TMEM150C: variants seen among roughly 807,000 people sequenced by gnomAD.
TMEM150C encodes transmembrane protein 150C, also known as tentonin 3.
A neutral mutation model predicts 29.9 loss-of-function variants in TMEM150C; 10 were observed. The ratio of observed to expected loss-of-function variants is 0.33; its 90% confidence interval spans 0.21 to 0.57. TMEM150C has a LOEUF of 0.57. Ranked by LOEUF, TMEM150C falls within the 20% of genes least tolerant of loss-of-function variation. TMEM150C has a pLI of 0.88. For missense variants in TMEM150C, 251 were observed against 303.6 expected, an observed-to-expected ratio of 0.83 and a Z score of 1.29; for synonymous variants, 101 against 112.5, an observed-to-expected ratio of 0.90 and a Z score of 0.64.
At chr4:82,490,971 C>T (rs931259888) in intron 6 of TMEM150C, 25 of 733,630 alleles carry the variant, frequency 3.4e-5, no homozygotes, top group East Asian at 7.5e-5. Context: ...AGCTTCCACC[C>T]GCTTAGCCAA....
chr4:82,504,275 C>G (rs1271025033), intron 2 of TMEM150C, among the ~76,000 whole-genome samples: 1 of 152,208 alleles, frequency 6.6e-6, no homozygotes, highest in Non-Finnish European at 1.5e-5. Flanking sequence ...GCAATCTCAG[C>G]TCAATGCAAC....
intron 1 of TMEM150C, chr4:82,509,813 CAAATAAAT>C (rs1212752595): frequency 6.6e-6 from 1 of 151,556 alleles, no homozygotes; most frequent in Non-Finnish European, 1.5e-5. Context: ...AACAAACAAA[CAAATAAAT>C]AAATAAATAA....
chr4:82,517,731 C>T (rs1724337778), intron 1 of TMEM150C, among the ~76,000 whole-genome samples: 1 of 152,180 alleles, frequency 6.6e-6, no homozygotes, highest in Non-Finnish European at 1.5e-5. Flanking sequence ...GTAACACCAG[C>T]TTTACAGGGT....
intron 1 of TMEM150C, among the ~76,000 whole-genome samples, chr4:82,557,832 A>G (rs1319544230): frequency 6.8e-6 from 1 of 147,894 alleles, no homozygotes; most frequent in Non-Finnish European, 1.5e-5. Context: ...CTCTCCCGGG[A>G]CCAAGCGATT....
intron 1 of TMEM150C, among the ~76,000 whole-genome samples, chr4:82,525,306 GA>G (rs1724617138): frequency 6.6e-6 from 1 of 152,208 alleles, no homozygotes. Context: ...ATAAAAGACA[GA>G]TATGTAAATG....
chr4:82,497,314 T>C (rs1201244003), intron 5 of TMEM150C, among the ~76,000 whole-genome samples: 1 of 152,194 alleles, frequency 6.6e-6, no homozygotes, highest in Non-Finnish European at 1.5e-5. Flanking sequence ...GACGTTAAGG[T>C]TCAGCAGGAA....
At chr4:82,538,570 G>T (rs1012720451) in intron 1 of TMEM150C, among the ~76,000 whole-genome samples, 3 of 152,098 alleles carry the variant, frequency 2.0e-5, no homozygotes, top group Admixed American at 2.0e-4. Context: ...AATTACATAT[G>T]ATATATACTT....
Position 82,485,396 on chromosome 4 carries a change from ATGTG to A in TMEM150C, c.*111_*114del, listed in dbSNP as rs3832273. 7.6e-5 allele frequency: 53 copies of A among 693,308 alleles called. No individual in the cohort carries two copies. Among genetic ancestry groups the A allele is most frequent in the Non-Finnish European group, 9.6e-5 (40 of 417,532 alleles). The allele number at this position is 693,308 out of a possible 1,614,324, so 42.9% of individuals were successfully genotyped here. On this transcript the variant is annotated 3_prime_UTR_variant, in exon 8 of 8. Coordinates refer to ENST00000449862, the MANE Select transcript of TMEM150C (RefSeq NM_001080506.3). ...GCTCATTTGGCAAATGTGGCCATGA[ATGTG>A]TGTGTGTGTGTGTGTGTGAAATGAG...
chr4:82,502,911 G>T lies in TMEM150C; in HGVS notation c.151C>A (p.His51Asn). 6.3e-7 allele frequency: 1 copy of T among 1,596,538 alleles called. No individual in the cohort carries two copies. The highest frequency in any genetic ancestry group is 8.5e-7 in the Non-Finnish European group (1 of 1,171,038). The change falls in exon 4 of 8, where the codon CAT (histidine) becomes AAT (asparagine). Residue 51 changes from histidine to asparagine, a missense_variant. Physicochemically the swap from His to Asn is moderately conservative, Grantham distance 68 (BLOSUM62 1). Coordinates refer to ENST00000449862, the MANE Select transcript of TMEM150C (RefSeq NM_001080506.3). ...CTGGGTTACCTTATATATGGTGCAT[G>T]CTTCACACCAGGTTTCCTGGATAAT... ...NSAERKPGVK[H>N]APYISIAGDD...
chr4:82,530,374 A>G (rs1158442929), intron 1 of TMEM150C, among the ~76,000 whole-genome samples: 5 of 151,930 alleles, frequency 3.3e-5, no homozygotes, highest in African/African-American at 9.7e-5. Context: ...TGGCTAACAC[A>G]GTGAAACCCC....
intron 1 of TMEM150C, among the ~76,000 whole-genome samples, chr4:82,511,248 C>A (rs1014152343): frequency 6.6e-6 from 1 of 152,210 alleles, no homozygotes; most frequent in African/African-American, 2.4e-5. Flanking sequence ...TGGCAAGAAA[C>A]AATATGTAGT....
chr4:82,514,826 G>C (rs1182173540), intron 1 of TMEM150C, among the ~76,000 whole-genome samples: 1 of 152,158 alleles, frequency 6.6e-6, no homozygotes, highest in Non-Finnish European at 1.5e-5. Context: ...CTATGCTGCA[G>C]ATGGCCTGGT....
chr4:82,528,511 C>T (rs1321436594), intron 1 of TMEM150C, among the ~76,000 whole-genome samples: 2 of 152,084 alleles, frequency 1.3e-5, no homozygotes, highest in African/African-American at 4.8e-5. Context: ...TGGAGATATG[C>T]ATAAAAATTC....
intron 1 of TMEM150C, among the ~76,000 whole-genome samples, chr4:82,520,153 T>C (rs1212143311): frequency 6.6e-6 from 1 of 152,220 alleles, no homozygotes; most frequent in Non-Finnish European, 1.5e-5. Flanking sequence ...TTGTGAATTA[T>C]ATAGACATGC....
At chr4:82,520,107 T>C (rs1301469575) in intron 1 of TMEM150C, among the ~76,000 whole-genome samples, 1 of 152,232 alleles carries the variant, frequency 6.6e-6, no homozygotes, top group Non-Finnish European at 1.5e-5. Flanking sequence ...GGCAGACTGG[T>C]CTTAGGCATT....
intron 1 of TMEM150C, among the ~76,000 whole-genome samples, chr4:82,515,940 C>A (rs1724282879): frequency 6.6e-6 from 1 of 152,104 alleles, no homozygotes; most frequent in Non-Finnish European, 1.5e-5. Flanking sequence ...AACCCTCTTT[C>A]TGGCCCATAG....
Position 82,496,116 on chromosome 4 carries a change from C to T in TMEM150C, c.315G>A (p.Val105=), listed in dbSNP as rs779610747. Reference sequence around the variant, plus strand: ...TTCCGAAGGAAGCCAGACACAGAGCCACCAATCCACTAATATTCAGCCACG... The same window carrying T: ...TTCCGAAGGAAGCCAGACACAGAGCTACCAATCCACTAATATTCAGCCACG... ...LNPWLNISGL[V]ALCLASFGMT... is the part of the protein sequence containing the mutation. The change falls in exon 6 of 8, where the codon GTG becomes GTA. Residue 105 remains valine, a synonymous_variant. Transcript: ENST00000449862. 1 of 1,613,928 alleles carries T rather than the reference C, an allele frequency of 6.2e-7. No homozygotes were observed. The highest frequency in any genetic ancestry group is 8.5e-7 in the Non-Finnish European group (1 of 1,179,874).
intron 6 of TMEM150C, chr4:82,490,904 A>G: frequency 1.4e-6 from 1 of 713,738 alleles, no homozygotes; most frequent in Non-Finnish European, 2.6e-6. Flanking sequence ...GACCCAGGAC[A>G]TTGCCTCCCC....
At chr4:82,489,174 A>C (rs1034998084) in intron 7 of TMEM150C, among the ~76,000 whole-genome samples, 1 of 149,064 alleles carries the variant, frequency 6.7e-6, no homozygotes, top group African/African-American at 2.5e-5. Flanking sequence ...AGTGTTGAAC[A>C]CTTCTGATTA....
Sources: gnomAD v4.1 joint callset for allele counts (sites outside exome capture counted in the v4.1 genomes callset) on GRCh38, gnomAD v4.1.1 for gene constraint, MANE v1.5 for transcripts, NCBI Gene and HGNC (gene_info 2026-07-23, HGNC 2026-07-21) for gene names.